Variants in DAOA observed in about 807,000 individuals in gnomAD.
DAOA encodes the protein D-amino acid oxidase regulator.
A neutral mutation model predicts 16.4 loss-of-function variants in DAOA; 15 were observed. The observed-to-expected ratio is 0.91, with a 90% CI of 0.61 to 1.41. The LOEUF is 1.41. Among genes scored for constraint, DAOA ranks in the 40% most tolerant of loss-of-function variants. The pLI is 0.00. For missense variants in DAOA, 230 were observed against 176.8 expected, an observed-to-expected ratio of 1.30 and a Z score of -1.71; for synonymous variants, 75 against 59.1, an observed-to-expected ratio of 1.27 and a Z score of -1.23.
At chr13:105,485,899 C>T (rs536552405) in intron 4 of DAOA, among the ~76,000 whole-genome samples, 2 of 152,308 alleles carry the variant, frequency 1.3e-5, no homozygotes, top group South Asian at 4.1e-4. Context: ...AAACCTCCAT[C>T]CCAAACTGGG....
chr13:105,467,124 ACT>A lies in DAOA; in HGVS notation c.121_122del (p.Leu41LysfsTer25), dbSNP rs1223784285. On this transcript the variant is annotated frameshift_variant, in exon 3 of 6. Coordinates refer to ENST00000375936, the MANE Select transcript of DAOA (RefSeq NM_172370.5). LOFTEE classifies it high-confidence loss of function. ...AGCATTCTTCTGAGCAAATCTGAAA[ACT>A]CTCTAAACTCTATTGGTATGTTACT... 1.9e-6 allele frequency: 3 copies of A among 1,608,252 alleles called. No individual in the cohort carries two copies. In the Admixed American group the frequency reaches 5.0e-5, roughly 27 times the overall value.
intron 4 of DAOA, among the ~76,000 whole-genome samples, chr13:105,482,736 A>T (rs1368059468): frequency 6.6e-6 from 1 of 151,774 alleles, no homozygotes; most frequent in Admixed American, 6.6e-5. Flanking sequence ...TCAAACTCCT[A>T]ACCTCGTGAT....
intron 4 of DAOA, among the ~76,000 whole-genome samples, chr13:105,481,993 A>G (rs1877777877): frequency 6.6e-6 from 1 of 152,210 alleles, no homozygotes; most frequent in Admixed American, 6.6e-5. Context: ...ATGGCAGAAG[A>G]TGAAGGAAGA....
chr13:105,490,127 A>G lies in DAOA; in HGVS notation c.*46A>G. 6.6e-7 allele frequency: 1 copy of G among 1,521,074 alleles called. No individual in the cohort carries two copies. The highest frequency in any genetic ancestry group is 8.9e-7 in the Non-Finnish European group (1 of 1,129,728). 94.2% of individuals were successfully genotyped at this position (1,521,074 alleles called of 1,614,324 possible). A position where few individuals can be genotyped will look rare whatever the true frequency, so the allele number is the denominator to read the frequency against. ...CAGCCAATCCTTCTGATGACAATGT[A>G]GTCTGGCCAACATCTTCACTGGACT... On this transcript the variant is annotated 3_prime_UTR_variant, in exon 5 of 6. Transcript: ENST00000375936.
chr13:105,467,139 T>C lies in DAOA; in HGVS notation c.131T>C (p.Ile44Thr). The C allele has an allele frequency of 5.0e-6, 8 of 1,606,134 alleles. No homozygotes were observed. The highest frequency in any genetic ancestry group is 6.0e-6 in the Non-Finnish European group (7 of 1,175,246). ...LSKSENSLNS[I>T]AKETEEGRET... is the part of the protein sequence containing the mutation. ...AAATCTGAAAACTCTCTAAACTCTA[T>C]TGGTATGTTACTCTTTATCTTTATA... Residue 44 changes from isoleucine to threonine, a missense_variant and splice_region_variant, in exon 3 of 6, where the codon ATT (isoleucine) becomes ACT (threonine). By Grantham distance (89) the Ile-to-Thr change is moderately conservative. Coordinates refer to ENST00000375936, the MANE Select transcript of DAOA (RefSeq NM_172370.5).
chr13:105,477,292 A>G (rs1877403756), intron 4 of DAOA: 1 of 152,186 alleles, frequency 6.6e-6, no homozygotes, highest in Non-Finnish European at 1.5e-5. Flanking sequence ...AGTCTATCAG[A>G]TAGAGTTTCT....
At chr13:105,490,257 T>A (rs1433728681) in intron 5 of DAOA, 65 bp downstream of exon 5, 2 of 817,710 alleles carry the variant, frequency 2.4e-6, no homozygotes, top group Admixed American at 9.7e-5. Flanking sequence ...TTATGAATTA[T>A]ATTTTTATGA....
intron 4 of DAOA, among the ~76,000 whole-genome samples, chr13:105,476,415 C>G (rs74114221): frequency 6.6e-6 from 1 of 151,108 alleles, no homozygotes; most frequent in Non-Finnish European, 1.5e-5. Flanking sequence ...AATTTTCACC[C>G]AGAGGTATTT....
At chr13:105,467,703 AAT>A (rs1447481262) in intron 3 of DAOA, 1 of 147,790 alleles carries the variant, frequency 6.8e-6, no homozygotes, top group East Asian at 2.0e-4. Flanking sequence ...CCAGCCCATT[AAT>A]GTTTAATCCC....
At chr13:105,476,117 A>AAC (rs1877311406) in intron 4 of DAOA, among the ~76,000 whole-genome samples, 1 of 152,062 alleles carries the variant, frequency 6.6e-6, no homozygotes, top group Non-Finnish European at 1.5e-5. Flanking sequence ...TCTCCACATT[A>AAC]ATATATATAT....
rs1282149733 is a variant in DAOA, at chr13:105,490,105, C to A, written c.*24C>A. The stretch of plus-strand genomic sequence containing the variant: ...GAGTTTGGAAGCAGATTCTTCCCAG[C>A]CAATCCTTCTGATGACAATGTAGTC... On this transcript the variant is annotated 3_prime_UTR_variant, in exon 5 of 6. Transcript: ENST00000375936. 4.5e-6 allele frequency: 7 copies of A among 1,539,686 alleles called. No homozygotes were observed. Among genetic ancestry groups the A allele is most frequent in the Admixed American group, 2.0e-5 (1 of 50,344 alleles).
intron 4 of DAOA, among the ~76,000 whole-genome samples, chr13:105,482,784 G>T (rs969055810): frequency 6.6e-6 from 1 of 152,016 alleles, no homozygotes; most frequent in Non-Finnish European, 1.5e-5. Flanking sequence ...GGGATTACAG[G>T]CATGAGCCAC....
At chr13:105,484,720 T>G (rs2139199839) in intron 4 of DAOA, among the ~76,000 whole-genome samples, 1 of 152,298 alleles carries the variant, frequency 6.6e-6, no homozygotes, top group Non-Finnish European at 1.5e-5. Context: ...TGTTTCATAG[T>G]TATTTATATA....
chr13:105,473,414 AT>A (rs962499547), intron 4 of DAOA, among the ~76,000 whole-genome samples: 1 of 151,802 alleles, frequency 6.6e-6, no homozygotes, highest in Non-Finnish European at 1.5e-5. Flanking sequence ...GCAACATTGC[AT>A]TTTTTTTACC....
chr13:105,466,969 G>A lies in DAOA; in HGVS notation c.45-84G>A, dbSNP rs927133590. 11 of 1,487,862 alleles carry A rather than the reference G, an allele frequency of 7.4e-6. No individual in the cohort carries two copies. The African/African-American group carries it at 1.4e-4, about 19-fold the overall frequency. 92.2% of individuals were successfully genotyped at this position (1,487,862 alleles called of 1,614,324 possible). ...AAGTGCTAAACCATACATGTTATAT[G>A]CTCCATTGATGTTGCTTATTCTTTC... On this transcript the variant is annotated intron_variant, in intron 2 of 5. Transcript: ENST00000375936.
chr13:105,490,784 G>A (rs72549498), intron 5 of DAOA, 128 bp from the exon 6 acceptor site: 3 of 151,458 alleles, frequency 2.0e-5, no homozygotes, highest in Non-Finnish European at 2.9e-5. Context: ...GTCTAGTAAG[G>A]TAAAGCAAAA....
intron 4 of DAOA, among the ~76,000 whole-genome samples, chr13:105,473,061 G>A (rs1877085005): frequency 6.6e-6 from 1 of 152,008 alleles, no homozygotes; most frequent in African/African-American, 2.4e-5. Context: ...AGAACCTCAA[G>A]GCTATTGAGA....
chr13:105,484,066 A>G (rs1487728725), intron 4 of DAOA, among the ~76,000 whole-genome samples: 1 of 152,172 alleles, frequency 6.6e-6, no homozygotes. Context: ...AATATGGATC[A>G]AAGATTAACC....
intron 4 of DAOA, among the ~76,000 whole-genome samples, chr13:105,482,497 T>C (rs1877813773): frequency 6.6e-6 from 1 of 150,900 alleles, no homozygotes; most frequent in African/African-American, 2.5e-5. Context: ...TGCTTTGACC[T>C]TGGTGTAAGT....
Sources: gnomAD v4.1 joint callset for allele counts (sites outside exome capture counted in the v4.1 genomes callset) on GRCh38, gnomAD v4.1.1 for gene constraint, MANE v1.5 for transcripts, NCBI Gene and HGNC (gene_info 2026-07-23, HGNC 2026-07-21) for gene names.